TBCK: variants seen among roughly 807,000 people sequenced by gnomAD.
TBCK encodes TBC domain-containing protein kinase-like protein.
TBCK carries 99 observed loss-of-function variants against 113.4 expected under a neutral mutation model. That is an observed-to-expected ratio of 0.87 (90% CI 0.74 to 1.03). The LOEUF (loss-of-function observed/expected upper bound fraction) is 1.03. Ranked by LOEUF, TBCK falls within the 50% of genes least tolerant of loss-of-function variation. TBCK has a pLI of 0.00. For missense variants in TBCK, 1,045 were observed against 1,061.3 expected, an observed-to-expected ratio of 0.98 and a Z score of 0.21; for synonymous variants, 369 against 370.8, an observed-to-expected ratio of 1.00 and a Z score of 0.05.
intron 23 of TBCK, among the ~76,000 whole-genome samples, chr4:106,168,193 T>C (rs998064829): frequency 5.9e-5 from 9 of 151,892 alleles, no homozygotes; most frequent in Non-Finnish European, 1.5e-5. Context: ...TTTTAACATA[T>C]GAAAATTAAT....
intron 24 of TBCK, among the ~76,000 whole-genome samples, chr4:106,114,454 A>T (rs1235454717): frequency 3.9e-5 from 6 of 152,164 alleles, no homozygotes; most frequent in African/African-American, 7.2e-5. Flanking sequence ...AATTACGCAA[A>T]AGTGTGTTGA....
intron 20 of TBCK, among the ~76,000 whole-genome samples, chr4:106,211,338 C>A (rs1361995141): frequency 1.3e-5 from 2 of 152,046 alleles, no homozygotes; most frequent in Admixed American, 6.6e-5. Flanking sequence ...TATACTCCAA[C>A]AGCCTTTTAT....
intron 3 of TBCK, among the ~76,000 whole-genome samples, chr4:106,277,809 A>G (rs549431095): frequency 6.6e-6 from 1 of 152,296 alleles, no homozygotes; most frequent in Non-Finnish European, 1.5e-5. Flanking sequence ...AAACACATCA[A>G]ATGTAAACTT....
intron 23 of TBCK, among the ~76,000 whole-genome samples, chr4:106,148,356 C>T (rs1460313741): frequency 2.0e-5 from 3 of 152,146 alleles, no homozygotes; most frequent in East Asian, 1.9e-4. Context: ...CGGAACCTAT[C>T]GACATGTGAT....
At chr4:106,176,381 C>T (rs1751671528) in intron 22 of TBCK, among the ~76,000 whole-genome samples, 1 of 152,018 alleles carries the variant, frequency 6.6e-6, no homozygotes, top group African/African-American at 2.4e-5. Flanking sequence ...TCAACCTCAA[C>T]TTATTTAGTT....
intron 25 of TBCK, among the ~76,000 whole-genome samples, chr4:106,076,612 T>C (rs1225998541): frequency 5.9e-5 from 9 of 152,056 alleles, no homozygotes; most frequent in Admixed American, 5.9e-4. Context: ...TATAGGTAAC[T>C]AGAGAGAAGC....
intron 10 of TBCK, among the ~76,000 whole-genome samples, chr4:106,245,567 G>A (rs1488576770): frequency 6.6e-6 from 1 of 152,144 alleles, no homozygotes; most frequent in Non-Finnish European, 1.5e-5. Context: ...GGGGTGGCTA[G>A]AACGAGTTGG....
chr4:106,260,485 C>T lies in TBCK; in HGVS notation c.407G>A (p.Gly136Glu). 1 of 1,374,208 alleles carries T rather than the reference C, an allele frequency of 7.3e-7. No individual in the cohort carries two copies. Among genetic ancestry groups the T allele is most frequent in the Non-Finnish European group, 9.7e-7 (1 of 1,033,014 alleles). 85.1% of individuals were successfully genotyped at this position (1,374,208 alleles called of 1,614,324 possible). ...ACCATGAGCTGTCATGTGATAAAGTCCAAATTTAGCCAATTTAATATGTCC... is the reference window on the plus strand; with the variant it reads ...ACCATGAGCTGTCATGTGATAAAGTTCAAATTTAGCCAATTTAATATGTCC... ...RKGHIKLAKF[G>E]LYHMTAHGDD... Residue 136 changes from glycine (G) to glutamate (E), a missense_variant, in exon 5 of 26, where the codon GGA becomes GAA. Gly to Glu is a moderately conservative substitution (Grantham distance 98). Coordinates refer to ENST00000394708, the MANE Select transcript of TBCK (RefSeq NM_001163435.3).
intron 3 of TBCK, among the ~76,000 whole-genome samples, chr4:106,270,368 T>C (rs1234516911): frequency 1.5e-4 from 23 of 152,140 alleles, no homozygotes; most frequent in Admixed American, 1.5e-3. Context: ...TTTCCTATCC[T>C]TGCACAGAAA....
chr4:106,153,148 T>C (rs1748702292), intron 23 of TBCK, among the ~76,000 whole-genome samples: 1 of 152,108 alleles, frequency 6.6e-6, no homozygotes, highest in Non-Finnish European at 1.5e-5. Context: ...TTAAGATGCA[T>C]CATTAGGTTA....
chr4:106,058,830 T>C (rs1735720995), intron 25 of TBCK, among the ~76,000 whole-genome samples: 1 of 151,698 alleles, frequency 6.6e-6, no homozygotes, highest in Non-Finnish European at 1.5e-5. Context: ...CTCAGTCTAG[T>C]GTAGGGCAGA....
intron 25 of TBCK, among the ~76,000 whole-genome samples, chr4:106,066,775 A>G (rs1430296543): frequency 1.4e-4 from 22 of 152,152 alleles, no homozygotes; most frequent in South Asian, 2.1e-4. Flanking sequence ...AAATTATACA[A>G]TATTTGTCCT....
chr4:106,316,326 T>C (rs1330374601), upstream of TBCK: 75 of 555,328 alleles, frequency 1.4e-4, no homozygotes, highest in East Asian at 2.3e-3. Context: ...CGAAAGGACA[T>C]ATAGCGAGAG....
chr4:106,170,912 C>T (rs192651087), intron 23 of TBCK, among the ~76,000 whole-genome samples, 183 bp downstream of exon 23: 63 of 152,116 alleles, frequency 4.1e-4, no homozygotes, highest in African/African-American at 1.4e-3. Context: ...ATCTTCCTAA[C>T]TCTATAACCA....
At chr4:106,240,791 GAACAAAAA>G (rs1486218655) in intron 12 of TBCK, among the ~76,000 whole-genome samples, 13 of 151,914 alleles carry the variant, frequency 8.6e-5, no homozygotes, top group African/African-American at 2.9e-4. Context: ...TGAAATGCAA[GAACAAAAA>G]ATATGATGGA....
rs1223290023 is a variant in TBCK at position 106,120,708 on chromosome 4, T to G, written c.2236-4330A>C. Among the ~76,000 whole-genome samples, 7 of 152,282 alleles carry G rather than the reference T, an allele frequency of 4.6e-5. No homozygotes were observed. In the East Asian group the frequency reaches 7.7e-4, roughly 17 times the overall value. ...GAGGCACCCCCCAGCAGGGGCACAC[T>G]GACACCTCACACGGCAGGGTATTCT... is the stretch of plus-strand genomic sequence containing the variant. On this transcript the variant is annotated intron_variant, in intron 23 of 25. Coordinates refer to ENST00000394708, the MANE Select transcript of TBCK (RefSeq NM_001163435.3).
intron 3 of TBCK, among the ~76,000 whole-genome samples, chr4:106,267,244 G>GATTAT (rs1273105523): frequency 6.6e-6 from 1 of 151,884 alleles, no homozygotes; most frequent in Admixed American, 6.6e-5. Context: ...AATCCCTAGT[G>GATTAT]ATTATAAATA....
chr4:106,275,270 G>A (rs1479831279), intron 3 of TBCK, among the ~76,000 whole-genome samples: 1 of 152,060 alleles, frequency 6.6e-6, no homozygotes, highest in Non-Finnish European at 1.5e-5. Context: ...AAATATAAGA[G>A]TACCTAACTC....
Position 106,104,619 on chromosome 4 carries a change from T to C in TBCK, c.2412-8978A>G, listed in dbSNP as rs111898307. Among the ~76,000 whole-genome samples the C allele has an allele frequency of 4.1e-3, 620 of 151,976 alleles. 2 individuals carry two copies. The highest frequency in any genetic ancestry group is 0.017 in the Middle Eastern group (5 of 294). ...GCAGAAGGAATCCCACAGCACAGCA[T>C]AGATGCTCTACCAAAATGTGGCCAG... On this transcript the variant is annotated intron_variant, in intron 24 of 25. Coordinates refer to ENST00000394708, the MANE Select transcript of TBCK (RefSeq NM_001163435.3).
Sources: allele counts gnomAD v4.1 joint callset (sites outside exome capture counted in the v4.1 genomes callset), GRCh38; gene constraint gnomAD v4.1.1; transcripts MANE v1.5; gene names NCBI Gene and HGNC (gene_info 2026-07-23, HGNC 2026-07-21).